Variants in WASL observed in about 807,000 individuals in gnomAD.
WASL encodes WASP like actin nucleation promoting factor.
In WASL, 20 loss-of-function variants were observed where a neutral mutation model predicts 55.5. The ratio of observed to expected loss-of-function variants is 0.36; its 90% CI spans 0.25 to 0.52. The LOEUF (loss-of-function observed/expected upper bound fraction) is 0.52, where lower values mean the gene tolerates loss of function less well. WASL is among the 20% of genes least tolerant of loss of function. The pLI, the probability that WASL is intolerant of heterozygous loss-of-function variation, is 0.92. For synonymous variants in WASL, 249 were observed against 217.6 expected, an observed-to-expected ratio of 1.14 and a Z score of -1.27; for missense variants, 504 against 622.5, an observed-to-expected ratio of 0.81 and a Z score of 2.03.
At chr7:123,715,599 A>C (rs1803828811) in intron 1 of WASL, among the ~76,000 whole-genome samples, 1 of 152,220 alleles carries the variant, frequency 6.6e-6, no homozygotes, top group Non-Finnish European at 1.5e-5. Context: ...TTTTGGTTAC[A>C]AATCATAAAA....
At chr7:123,731,065 TAGAG>T (rs1486184616) in intron 1 of WASL, among the ~76,000 whole-genome samples, 2 of 152,034 alleles carry the variant, frequency 1.3e-5, no homozygotes, top group African/African-American at 2.4e-5. Flanking sequence ...AGCAAAGGGA[TAGAG>T]AAAGACAGAC....
At chr7:123,691,893 T>C (rs1803415771) in intron 9 of WASL, among the ~76,000 whole-genome samples, 1 of 152,224 alleles carries the variant, frequency 6.6e-6, no homozygotes, top group Admixed American at 6.5e-5. Context: ...TGGTTTCAAG[T>C]AGGGCTATTT....
At chr7:123,700,702 T>A (rs1803574575) in intron 5 of WASL, among the ~76,000 whole-genome samples, 1 of 152,208 alleles carries the variant, frequency 6.6e-6, no homozygotes, top group Non-Finnish European at 1.5e-5. Flanking sequence ...CCTCCCAAAG[T>A]GTTGGGATTA....
At chr7:123,725,376 T>TA (rs971954677) in intron 1 of WASL, among the ~76,000 whole-genome samples, 33 of 152,214 alleles carry the variant, frequency 2.2e-4, no homozygotes, top group African/African-American at 7.5e-4. Flanking sequence ...CTGTTTTTTT[T>TA]AAAAAAGGAG....
intron 1 of WASL, among the ~76,000 whole-genome samples, chr7:123,720,804 C>T (rs1188950028): frequency 6.6e-6 from 1 of 151,844 alleles, no homozygotes; most frequent in Non-Finnish European, 1.5e-5. Flanking sequence ...TGCCTGCACA[C>T]TGTGGGATTT....
At chr7:123,718,755 G>T (rs1215798258) in intron 1 of WASL, among the ~76,000 whole-genome samples, 6 of 152,190 alleles carry the variant, frequency 3.9e-5, no homozygotes. Flanking sequence ...CTGTAATGGG[G>T]TGCTCACAAC....
intron 2 of WASL, 48 bp downstream of exon 2, chr7:123,709,040 AT>A: frequency 6.6e-7 from 1 of 1,509,970 alleles, no homozygotes; most frequent in Non-Finnish European, 8.9e-7. Flanking sequence ...TATAATTGAT[AT>A]AGAAAACCTA....
chr7:123,683,973 T>A lies in WASL; in HGVS notation c.*546A>T, dbSNP rs911418563. 6.6e-6 allele frequency: 1 copy of A among 152,000 alleles called. No homozygotes were observed. Among genetic ancestry groups the A allele is most frequent in the African/African-American group, 2.4e-5 (1 of 41,412 alleles). The allele number at this position is 152,000 out of a possible 1,614,324, so 9.4% of individuals were successfully genotyped here. On this transcript the variant is annotated 3_prime_UTR_variant, in exon 11 of 11. Coordinates refer to ENST00000223023, the MANE Select transcript of WASL (RefSeq NM_003941.4). ...CTGTAGTGATTTTATGTAGAGCATATTGCTAAAATTTGAGAAACTACATCG... is the reference window on the plus strand; with the variant it reads ...CTGTAGTGATTTTATGTAGAGCATAATGCTAAAATTTGAGAAACTACATCG...
At chr7:123,689,966 C>T (rs1803371875) in intron 9 of WASL, among the ~76,000 whole-genome samples, 1 of 152,106 alleles carries the variant, frequency 6.6e-6, no homozygotes, top group South Asian at 2.1e-4. Flanking sequence ...CTTGTTCTTT[C>T]TGGAGTAAAC....
intron 1 of WASL, among the ~76,000 whole-genome samples, chr7:123,742,256 G>C (rs141340296): frequency 1.3e-4 from 20 of 152,232 alleles, no homozygotes; most frequent in African/African-American, 4.6e-4. Context: ...CATTCATTTG[G>C]GTTTCAGAAA....
intron 1 of WASL, among the ~76,000 whole-genome samples, chr7:123,746,104 C>G (rs1804426256): frequency 6.6e-6 from 1 of 152,166 alleles, no homozygotes; most frequent in South Asian, 2.1e-4. Context: ...CAGTTTGAAC[C>G]CACATTTGCT....
intron 1 of WASL, among the ~76,000 whole-genome samples, chr7:123,733,190 T>C (rs1804169865): frequency 6.6e-6 from 1 of 152,100 alleles, no homozygotes. Flanking sequence ...GGTATACAGA[T>C]TGAGAAGGAA....
chr7:123,744,674 GTAGTT>G (rs1804401257), intron 1 of WASL, among the ~76,000 whole-genome samples: 1 of 152,014 alleles, frequency 6.6e-6, no homozygotes, highest in Admixed American at 6.6e-5. Flanking sequence ...CTGTAGAGAC[GTAGTT>G]TAATGTTTTA....
intron 1 of WASL, among the ~76,000 whole-genome samples, chr7:123,744,394 A>T (rs1354718448): frequency 6.6e-6 from 1 of 152,232 alleles, no homozygotes; most frequent in Non-Finnish European, 1.5e-5. Context: ...GTATTCACTG[A>T]TCTGGGAGCC....
chr7:123,688,625 G>C (rs1469627805), intron 10 of WASL, among the ~76,000 whole-genome samples: 1 of 152,156 alleles, frequency 6.6e-6, no homozygotes, highest in East Asian at 1.9e-4. Flanking sequence ...GCCTCCCAAA[G>C]TGCTGGGATT....
At position 123,682,876 on chromosome 7, in the gene WASL, C is replaced by T. The variant is rs1388527185; in HGVS notation, c.*1643G>A. The T allele has an allele frequency of 6.6e-6, 1 of 152,046 alleles. No individual in the cohort carries two copies. Among genetic ancestry groups the T allele is most frequent in the Non-Finnish European group, 1.5e-5 (1 of 67,976 alleles). The allele number at this position is 152,046 out of a possible 1,614,324, so 9.4% of individuals were successfully genotyped here. A position where few individuals can be genotyped will look rare whatever the true frequency, so the allele number is the denominator to read the frequency against. The stretch of plus-strand genomic sequence containing the variant: ...AAAAGTCTAGAATCTTTCCCATGTG[C>T]TTAAATTACTCTTGCAAGAAAGATA... On this transcript the variant is annotated 3_prime_UTR_variant, in exon 11 of 11. Coordinates refer to ENST00000223023, the MANE Select transcript of WASL (RefSeq NM_003941.4).
intron 1 of WASL, 125 bp from the exon 2 acceptor site, chr7:123,709,348 A>T: frequency 1.5e-6 from 1 of 682,282 alleles, no homozygotes; most frequent in Non-Finnish European, 2.2e-6. Context: ...CACAGAAACA[A>T]GGAAATAATA....
chr7:123,693,774 T>C (rs1338865831), intron 8 of WASL, among the ~76,000 whole-genome samples: 2 of 152,176 alleles, frequency 1.3e-5, no homozygotes, highest in Non-Finnish European at 1.5e-5. Flanking sequence ...GAGACCAACC[T>C]GGCTAACATG....
intron 5 of WASL, 111 bp downstream of exon 5, chr7:123,704,523 A>G: frequency 1.2e-6 from 1 of 826,784 alleles, no homozygotes; most frequent in South Asian, 1.8e-5. Context: ...TGTTTCCACA[A>G]GGATTAACAT....
Sources: gnomAD v4.1 joint callset for allele counts (sites outside exome capture counted in the v4.1 genomes callset) on GRCh38, gnomAD v4.1.1 for gene constraint, MANE v1.5 for transcripts, NCBI Gene and HGNC (gene_info 2026-07-23, HGNC 2026-07-21) for gene names.